UVRAG: variants seen among roughly 807,000 people sequenced by gnomAD.
UVRAG encodes the protein UV radiation resistance associated, also known as UV radiation resistance-associated gene protein.
Under a neutral mutation model 78.0 loss-of-function variants are expected in UVRAG, and 19 were observed. The ratio of observed to expected loss-of-function variants is 0.24; its 90% CI spans 0.17 to 0.36. UVRAG has a LOEUF of 0.36. Among genes scored for constraint, UVRAG ranks in the 10% least tolerant of loss-of-function variants. UVRAG has a pLI of 1.00. For missense variants in UVRAG, 740 were observed against 853.8 expected (o/e 0.87, Z 1.66); for synonymous variants, 323 against 324.6 (o/e 1.00, Z 0.05).
At chr11:75,974,646 G>A (rs529982724) in intron 7 of UVRAG, among the ~76,000 whole-genome samples, 4 of 151,888 alleles carry the variant, frequency 2.6e-5, no homozygotes, top group South Asian at 2.1e-4. Context: ...GATTACAGGC[G>A]TGAGCCACCG....
chr11:76,024,577 A>G (rs544514208), intron 12 of UVRAG, among the ~76,000 whole-genome samples: 1 of 152,296 alleles, frequency 6.6e-6, no homozygotes, highest in East Asian at 1.9e-4. Context: ...ATTATAATTG[A>G]TAGTACTTTT....
chr11:75,972,939 A>T (rs544951785), intron 7 of UVRAG, among the ~76,000 whole-genome samples: 2 of 152,034 alleles, frequency 1.3e-5, no homozygotes, highest in Non-Finnish European at 2.9e-5. Context: ...TTGTTTGTCA[A>T]TTCTTTTGGA....
At chr11:75,892,520 A>C in intron 5 of UVRAG, 1 of 592,550 alleles carries the variant, frequency 1.7e-6, no homozygotes, top group Non-Finnish European at 2.1e-6. Flanking sequence ...ATAGAAGAGG[A>C]AGTTGGCACA....
chr11:75,966,622 T>C (rs1447028461), intron 7 of UVRAG, among the ~76,000 whole-genome samples: 3 of 152,228 alleles, frequency 2.0e-5, no homozygotes, highest in Non-Finnish European at 2.9e-5. Context: ...TTCTCCTCCC[T>C]AGAGAGTGAG....
intron 13 of UVRAG, among the ~76,000 whole-genome samples, chr11:76,095,537 CTT>C (rs1482453746): frequency 4.7e-5 from 7 of 149,720 alleles, no homozygotes; most frequent in Admixed American, 1.3e-4. Context: ...AAATATATGT[CTT>C]ATATATCATA....
At chr11:76,087,599 C>T (rs150036869) in intron 13 of UVRAG, among the ~76,000 whole-genome samples, 84 of 152,052 alleles carry the variant, frequency 5.5e-4, no homozygotes, top group African/African-American at 1.9e-3. Flanking sequence ...CTTCGAAGCT[C>T]GGAAAAATTA....
chr11:75,872,922 C>A (rs1171130119), intron 3 of UVRAG, among the ~76,000 whole-genome samples: 1 of 152,168 alleles, frequency 6.6e-6, no homozygotes, highest in Non-Finnish European at 1.5e-5. Flanking sequence ...GGTAATGGTG[C>A]TGGATATTGT....
chr11:76,020,980 G>T (rs1337581474), intron 12 of UVRAG, among the ~76,000 whole-genome samples: 1 of 152,114 alleles, frequency 6.6e-6, no homozygotes, highest in African/African-American at 2.4e-5. Context: ...GTCCAGTTTT[G>T]TTTCCCACTG....
chr11:75,829,666 A>G (rs1049785350), intron 1 of UVRAG, among the ~76,000 whole-genome samples: 1 of 152,220 alleles, frequency 6.6e-6, no homozygotes, highest in Non-Finnish European at 1.5e-5. Flanking sequence ...CAGATAGTGA[A>G]CATGTTTCTG....
intron 14 of UVRAG, among the ~76,000 whole-genome samples, chr11:76,118,353 T>C (rs1325269565): frequency 6.6e-6 from 1 of 152,328 alleles, no homozygotes; most frequent in East Asian, 1.9e-4. Flanking sequence ...TAGTGAATAA[T>C]GGTATTGTTT....
chr11:76,141,975 C>G lies in UVRAG; in HGVS notation c.*562C>G. 6.5e-6 allele frequency: 1 copy of G among 153,760 alleles called. No individual in the cohort carries two copies. The highest frequency in any genetic ancestry group is 6.5e-5 in the Admixed American group (1 of 15,476). The allele number at this position is 153,760 out of a possible 1,614,324, so 9.5% of individuals were successfully genotyped here. A position where few individuals can be genotyped will look rare whatever the true frequency, so the allele number is the denominator to read the frequency against. On this transcript the variant is annotated 3_prime_UTR_variant, in exon 15 of 15. Transcript: ENST00000356136. Reference sequence around the variant, plus strand: ...GGGTACCACAGTCCACCTTTAGACCCTACTGTCGCCCCATCTTCTCCGTGG... The same window carrying G: ...GGGTACCACAGTCCACCTTTAGACCGTACTGTCGCCCCATCTTCTCCGTGG...
At chr11:75,933,797 G>A (rs917048182) in intron 6 of UVRAG, among the ~76,000 whole-genome samples, 6 of 152,174 alleles carry the variant, frequency 3.9e-5, no homozygotes, top group Non-Finnish European at 5.9e-5. Flanking sequence ...AAACTACAAT[G>A]AGATATTATC....
intron 5 of UVRAG, among the ~76,000 whole-genome samples, chr11:75,908,098 C>A (rs1947656869): frequency 6.6e-6 from 1 of 152,086 alleles, no homozygotes; most frequent in Non-Finnish European, 1.5e-5. Context: ...TCCCCTGGTC[C>A]CTGCCAGTTA....
chr11:76,125,512 G>A (rs1016956830), intron 14 of UVRAG, among the ~76,000 whole-genome samples: 87 of 150,018 alleles, frequency 5.8e-4, no homozygotes, highest in African/African-American at 2.0e-3. Context: ...CCCCTCCTGC[G>A]GTTAACACCC....
At chr11:76,140,117 CTCTCTCTCT>C (rs1952687015) in intron 14 of UVRAG, among the ~76,000 whole-genome samples, 1 of 47,920 alleles carries the variant, frequency 2.1e-5, no homozygotes, top group African/African-American at 1.3e-4. Flanking sequence ...CCCTCCCTCT[CTCTCTCTCT>C]CTCTCTCTCT....
chr11:75,964,619 A>G (rs1456782205), intron 7 of UVRAG, among the ~76,000 whole-genome samples: 6 of 152,178 alleles, frequency 3.9e-5, no homozygotes. Context: ...GTATCAGTTT[A>G]GGGCTGGGCG....
At chr11:75,893,207 C>T (rs767638878) in intron 5 of UVRAG, among the ~76,000 whole-genome samples, 33 of 151,396 alleles carry the variant, frequency 2.2e-4, no homozygotes, top group Non-Finnish European at 4.7e-4. Context: ...AAGAATTATT[C>T]CTTCCTAAAA....
chr11:75,983,589 A>G, intron 8 of UVRAG, 76 bp downstream of exon 8: 1 of 1,467,722 alleles, frequency 6.8e-7, no homozygotes. Context: ...ACAAGCTCAA[A>G]TAGTCATTTT....
At chr11:75,916,804 G>C (rs886702575) in intron 6 of UVRAG, 2 of 152,236 alleles carry the variant, frequency 1.3e-5, no homozygotes, top group Admixed American at 6.5e-5. Flanking sequence ...AAAATCATAG[G>C]GGGTCTAAGC....
Sources: gnomAD v4.1 joint callset for allele counts (sites outside exome capture counted in the v4.1 genomes callset) on GRCh38, gnomAD v4.1.1 for gene constraint, MANE v1.5 for transcripts, NCBI Gene and HGNC (gene_info 2026-07-23, HGNC 2026-07-21) for gene names.